CENPN: variants seen among roughly 807,000 people sequenced by gnomAD.
The protein encoded by CENPN is interphase centromere complex protein 32.
CENPN carries 36 observed loss-of-function variants against 48.6 expected under a neutral mutation model. The ratio of observed to expected loss-of-function variants is 0.74; its 90% CI spans 0.57 to 0.98. The LOEUF (loss-of-function observed/expected upper bound fraction) is 0.98. Ranked by LOEUF, CENPN falls within the 50% of genes least tolerant of loss-of-function variation. The pLI, the probability that CENPN is intolerant of heterozygous loss-of-function variation, is 0.00. For synonymous variants in CENPN, 166 were observed against 135.2 expected (o/e 1.23, Z -1.58); for missense variants, 439 against 399.2 (o/e 1.10, Z -0.85).
rs201010198 is a variant in CENPN, at chr16:81,028,318, A to G, written c.937+21A>G. On this transcript the variant is annotated intron_variant, in intron 10 of 10. Coordinates refer to ENST00000305850, the MANE Select transcript of CENPN (RefSeq NM_001100624.3). The stretch of plus-strand genomic sequence containing the variant: ...AGCGGGTGAGTGGTCAGCTTACTCT[A>G]TAAGCTAGAAAAATTAACAACATGC... 8.1e-6 allele frequency: 13 copies of G among 1,610,570 alleles called. No individual in the cohort carries two copies. In the Middle Eastern group the frequency reaches 1.7e-3, roughly 205 times the overall value.
intron 3 of CENPN, 67 bp downstream of exon 3, chr16:81,014,248 T>A: frequency 2.2e-6 from 3 of 1,382,770 alleles, no homozygotes; most frequent in Non-Finnish European, 3.1e-6. Flanking sequence ...TGTTTCTTTC[T>A]TTGTGAGACA....
chr16:81,014,155 G>T lies in CENPN; in HGVS notation c.191G>T (p.Ser64Ile), dbSNP rs1303076588. ...HLCEEKRASI[S>I]DAALLDIIYM... ...TTTTAGGAAAAGCGTGCAAGTATCAGTGATGCTGCCCTGTTAGACATCATT... is the reference window on the plus strand; with the variant it reads ...TTTTAGGAAAAGCGTGCAAGTATCATTGATGCTGCCCTGTTAGACATCATT... The change falls in exon 3 of 11, where the codon AGT becomes ATT. Residue 64 changes from serine (S) to isoleucine (I), a missense_variant. Ser to Ile is a moderately radical substitution (Grantham distance 142). Transcript: ENST00000305850. 1.2e-6 allele frequency: 2 copies of T among 1,613,656 alleles called. No individual in the cohort carries two copies. Among genetic ancestry groups the T allele is most frequent in the Non-Finnish European group, 1.7e-6 (2 of 1,179,660 alleles).
chr16:81,018,262 C>T (rs547075703), intron 5 of CENPN, among the ~76,000 whole-genome samples: 10 of 151,902 alleles, frequency 6.6e-5, no homozygotes, highest in African/African-American at 2.4e-4. Flanking sequence ...CTGCAACTGC[C>T]TCCTGGGTTC....
chr16:81,030,505 T>A lies in CENPN; in HGVS notation c.*1854T>A. The A allele has an allele frequency of 1.5e-6, 1 of 675,446 alleles. No homozygotes were observed. Among genetic ancestry groups the A allele is most frequent in the Non-Finnish European group, 1.8e-6 (1 of 547,020 alleles). 41.8% of individuals were successfully genotyped at this position (675,446 alleles called of 1,614,324 possible). On this transcript the variant is annotated 3_prime_UTR_variant, in exon 11 of 11. Coordinates refer to ENST00000305850, the MANE Select transcript of CENPN (RefSeq NM_001100624.3). ...GGCTCACGCCTGTAATCCTAGCACT[T>A]TGGGAAGCCGAGGTGGGCAGATCAC...
downstream of CENPN, chr16:81,032,634 C>A: frequency 6.2e-7 from 1 of 1,613,772 alleles, no homozygotes; most frequent in South Asian, 1.1e-5. Context: ...GGACCCAGGA[C>A]CCGAGCAGCT....
chr16:81,020,309 T>G (rs889669122), intron 6 of CENPN, 33 bp downstream of exon 6: 2 of 1,587,354 alleles, frequency 1.3e-6, no homozygotes, highest in Middle Eastern at 1.7e-4. Flanking sequence ...CTATAATATT[T>G]TATTATCCTA....
intron 1 of CENPN, among the ~76,000 whole-genome samples, chr16:81,010,651 TCTTTATCTTAATATTAAC>T (rs1242423646): frequency 6.7e-5 from 10 of 148,768 alleles, no homozygotes; most frequent in Non-Finnish European, 3.0e-5. Flanking sequence ...TGGACTCTCA[TCTTTATCTTAATATTAAC>T]AGATTCAGAA....
chr16:81,012,007 C>G lies in CENPN; in HGVS notation c.68C>G (p.Thr23Arg), dbSNP rs775394556. 3.1e-6 allele frequency: 5 copies of G among 1,614,076 alleles called. No homozygotes were observed. The highest frequency in any genetic ancestry group is 3.4e-6 in the Non-Finnish European group (4 of 1,179,944). ...AAAATCCCCATGAATGAACTGACAA[C>G]AATCCTGAAGGCCTGGGATTTTTTG... ...ILKIPMNELT[T>R]ILKAWDFLSE... Residue 23 changes from threonine (T) to arginine (R), a missense_variant, in exon 2 of 11, where the codon ACA (threonine) becomes AGA (arginine). Thr to Arg is a moderately conservative substitution (Grantham distance 71). Coordinates refer to ENST00000305850, the MANE Select transcript of CENPN (RefSeq NM_001100624.3).
chr16:81,011,979 T>G lies in CENPN; in HGVS notation c.40T>G (p.Leu14Val). 1 of 1,614,200 alleles carries G rather than the reference T, an allele frequency of 6.2e-7. No individual in the cohort carries two copies. The highest frequency in any genetic ancestry group is 8.5e-7 in the Non-Finnish European group (1 of 1,180,018). ...TGCTGAGTTCATCAAGAGGACCATC[T>G]TGAAAATCCCCATGAATGAACTGAC... The part of the protein sequence containing the change: ...TVAEFIKRTI[L>V]KIPMNELTTI... The change falls in exon 2 of 11, where the codon TTG (leucine) becomes GTG (valine). Residue 14 changes from leucine to valine, a missense_variant. Physicochemically the swap from Leu to Val is conservative, Grantham distance 32. Transcript: ENST00000305850.
At position 81,022,936 on chromosome 16, in the gene CENPN, T is replaced by C. The variant is rs1970284465; in HGVS notation, c.633+238T>C. 3 of 1,504,188 alleles carry C rather than the reference T, an allele frequency of 2.0e-6. No homozygotes were observed. In the East Asian group the frequency reaches 7.0e-5, roughly 35 times the overall value. The allele number at this position is 1,504,188 out of a possible 1,614,324, so 93.2% of individuals were successfully genotyped here. On this transcript the variant is annotated intron_variant, in intron 7 of 10. Transcript: ENST00000305850. Reference sequence around the variant, plus strand: ...TAGTCACTGGAGTCTGTGTTGTAGATCTCAGCTTCCAAATCACCTGATCAC... The same window carrying C: ...TAGTCACTGGAGTCTGTGTTGTAGACCTCAGCTTCCAAATCACCTGATCAC...
At chr16:81,017,077 G>A (rs1442880964) in intron 3 of CENPN, 5 of 343,220 alleles carry the variant, frequency 1.5e-5, no homozygotes, top group African/African-American at 6.7e-5. Context: ...GGAATAAATG[G>A]GCTAACATAG....
Position 81,028,716 on chromosome 16 carries a change from G to A in CENPN, c.*65G>A. 6.4e-7 allele frequency: 1 copy of A among 1,564,826 alleles called. No individual in the cohort carries two copies. The highest frequency in any genetic ancestry group is 1.2e-5 in the South Asian group (1 of 81,734). On this transcript the variant is annotated 3_prime_UTR_variant, in exon 11 of 11. Coordinates refer to ENST00000305850, the MANE Select transcript of CENPN (RefSeq NM_001100624.3). Reference sequence around the variant, plus strand: ...TATTGCACATGCACTTCAGTTCATGGCTAGCTGTATAGCTTCCGTCTGTAA... The same window carrying A: ...TATTGCACATGCACTTCAGTTCATGACTAGCTGTATAGCTTCCGTCTGTAA...
intron 1 of CENPN, among the ~76,000 whole-genome samples, chr16:81,008,253 T>C (rs899869584): frequency 6.6e-6 from 1 of 152,226 alleles, no homozygotes; most frequent in Non-Finnish European, 1.5e-5. Flanking sequence ...ATAAATCATC[T>C]GACGTACTTT....
At chr16:81,022,813 C>T (rs1360735421) in intron 7 of CENPN, 115 bp downstream of exon 7, 2 of 1,613,668 alleles carry the variant, frequency 1.2e-6, no homozygotes, top group Non-Finnish European at 1.7e-6. Context: ...TTAGATATTA[C>T]CGAAATGAAG....
At chr16:81,022,845 T>C in intron 7 of CENPN, 147 bp downstream of exon 7, 1 of 1,612,762 alleles carries the variant, frequency 6.2e-7, no homozygotes, top group South Asian at 1.1e-5. Flanking sequence ...TTAGTGAACA[T>C]GAAAGGAAAA....
rs146877133 is a variant in CENPN at position 81,009,900 on chromosome 16, TAA to T, written c.-10-2026_-10-2025del. Among the ~76,000 whole-genome samples the T allele has an allele frequency of 3.2e-3, 493 of 152,318 alleles. 3 individuals carry two copies. The highest frequency in any genetic ancestry group is 0.011 in the African/African-American group (475 of 41,564). On this transcript the variant is annotated intron_variant, in intron 1 of 10. Transcript: ENST00000305850. ...TATGCGGGTGGTACCCTGCATTGTA[TAA>T]AAATCATGTTTGCAGACCACGCGCG...
intron 8 of CENPN, among the ~76,000 whole-genome samples, chr16:81,025,106 A>G (rs542546826): frequency 6.6e-6 from 1 of 151,796 alleles, no homozygotes; most frequent in African/African-American, 2.4e-5. Flanking sequence ...CCTGTGAATA[A>G]GCGCCATTCA....
Position 81,031,045 on chromosome 16 carries a change from T to C in CENPN, c.*2394T>C, listed in dbSNP as rs982907571. On this transcript the variant is annotated 3_prime_UTR_variant, in exon 11 of 11. Coordinates refer to ENST00000305850, the MANE Select transcript of CENPN (RefSeq NM_001100624.3). ...GCCTAGGTGACAGAGTGAGACTCCA[T>C]CTTAAAAAATAAATAAATAAAATAA... 10 of 152,058 alleles carry C rather than the reference T, an allele frequency of 6.6e-5. No individual in the cohort carries two copies. Among genetic ancestry groups the C allele is most frequent in the African/African-American group, 2.2e-4 (9 of 41,458 alleles). 9.4% of individuals were successfully genotyped at this position (152,058 alleles called of 1,614,324 possible).
rs201767188 is a variant in CENPN at position 81,024,740 on chromosome 16, C to T, written c.659C>T (p.Thr220Ile). The change falls in exon 8 of 11, where the codon ACA becomes ATA. Residue 220 changes from threonine to isoleucine, a missense_variant. Transcript: ENST00000305850. ...ACCTTTGAAACTCACAACTCTACGA[C>T]ACCTCTACAGGAAAGAAGCCTTGGA... ...NQTFETHNST[T>I]PLQERSLGLD... 6.2e-7 allele frequency: 1 copy of T among 1,610,722 alleles called. No individual in the cohort carries two copies. Among genetic ancestry groups the T allele is most frequent in the East Asian group, 2.2e-5 (1 of 44,752 alleles).
Sources: allele counts gnomAD v4.1 joint callset (sites outside exome capture counted in the v4.1 genomes callset), GRCh38; gene constraint gnomAD v4.1.1; transcripts MANE v1.5; gene names NCBI Gene and HGNC (gene_info 2026-07-23, HGNC 2026-07-21).